Variants in CAMK2D observed in about 807,000 individuals in gnomAD.
CAMK2D encodes calcium/calmodulin dependent protein kinase II delta, also known as calcium/calmodulin-dependent protein kinase type II subunit delta.
In CAMK2D, 37 loss-of-function variants were observed where a neutral mutation model predicts 84.0. That is an observed-to-expected ratio of 0.44 (90% CI 0.34 to 0.58). The LOEUF (loss-of-function observed/expected upper bound fraction) is 0.58, where lower values mean the gene tolerates loss of function less well. Among genes scored for constraint, CAMK2D ranks in the 20% least tolerant of loss-of-function variants. The pLI is 0.02. For synonymous variants in CAMK2D, 202 were observed against 212.5 expected (o/e 0.95, Z 0.43); for missense variants, 448 against 652.5 (o/e 0.69, Z 3.41).
chr4:113,678,424 CT>C (rs2154332333), intron 2 of CAMK2D, among the ~76,000 whole-genome samples: 1 of 151,688 alleles, frequency 6.6e-6, no homozygotes, highest in African/African-American at 2.4e-5. Context: ...AAACTAAGAC[CT>C]TTTCCATTTC....
intron 16 of CAMK2D, among the ~76,000 whole-genome samples, chr4:113,496,460 T>TC (rs1351619590): frequency 6.6e-6 from 1 of 151,208 alleles, no homozygotes; most frequent in Non-Finnish European, 1.5e-5. Flanking sequence ...TTTTTTTTTT[T>TC]TTTTTTAAAG....
At chr4:113,693,728 A>T (rs138596754) in intron 2 of CAMK2D, among the ~76,000 whole-genome samples, 1 of 152,210 alleles carries the variant, frequency 6.6e-6, no homozygotes, top group Admixed American at 6.6e-5. Flanking sequence ...ACCAAACACA[A>T]GTATAAAAAT....
chr4:113,752,527 T>G (rs1447022736), intron 2 of CAMK2D, among the ~76,000 whole-genome samples: 1 of 152,208 alleles, frequency 6.6e-6, no homozygotes, highest in Non-Finnish European at 1.5e-5. Flanking sequence ...TTGTCTTCCA[T>G]TGTTCACTGG....
chr4:113,600,410 G>T (rs1248222195), intron 4 of CAMK2D, among the ~76,000 whole-genome samples: 4 of 152,028 alleles, frequency 2.6e-5, no homozygotes, highest in Non-Finnish European at 5.9e-5. Flanking sequence ...AGAGATAAGG[G>T]TATATGGAAA....
chr4:113,728,208 T>C (rs1458651355), intron 2 of CAMK2D, among the ~76,000 whole-genome samples: 1 of 152,236 alleles, frequency 6.6e-6, no homozygotes, highest in Non-Finnish European at 1.5e-5. Context: ...TATATGCTCA[T>C]AGCTGGTTTA....
intron 2 of CAMK2D, among the ~76,000 whole-genome samples, chr4:113,749,576 A>G (rs190299487): frequency 8.7e-4 from 132 of 152,322 alleles, no homozygotes; most frequent in African/African-American, 2.9e-3. Context: ...GTAATCAGAT[A>G]CCTCTGTAGA....
At chr4:113,741,792 C>A (rs1593971326) in intron 2 of CAMK2D, among the ~76,000 whole-genome samples, 1 of 152,194 alleles carries the variant, frequency 6.6e-6, no homozygotes, top group East Asian at 1.9e-4. Context: ...CTCCCAACAT[C>A]ATCATGTACT....
At chr4:113,474,982 C>T (rs1216047420) in intron 16 of CAMK2D, among the ~76,000 whole-genome samples, 1 of 152,074 alleles carries the variant, frequency 6.6e-6, no homozygotes, top group Non-Finnish European at 1.5e-5. Flanking sequence ...TTCTGTCCTC[C>T]CTTCAGTATT....
intron 2 of CAMK2D, chr4:113,754,208 CATTA>C: frequency 1.0e-6 from 1 of 967,100 alleles, no homozygotes; most frequent in Non-Finnish European, 1.2e-6. Flanking sequence ...TCTATATAAT[CATTA>C]ATTGCCAATG....
chr4:113,526,905 CTTTTT>C (rs34934229), intron 8 of CAMK2D, among the ~76,000 whole-genome samples: 5 of 137,054 alleles, frequency 3.6e-5, no homozygotes, highest in Middle Eastern at 7.6e-3. Flanking sequence ...TTTTACTGTG[CTTTTT>C]TTTTTTTTTT....
At chr4:113,665,007 T>C (rs2099252138) in intron 2 of CAMK2D, among the ~76,000 whole-genome samples, 1 of 152,240 alleles carries the variant, frequency 6.6e-6, no homozygotes. Flanking sequence ...TTTCACCATG[T>C]TGGCCAGGCT....
chr4:113,586,367 C>A (rs1305612803), intron 4 of CAMK2D, among the ~76,000 whole-genome samples: 1 of 152,124 alleles, frequency 6.6e-6, no homozygotes, highest in Non-Finnish European at 1.5e-5. Context: ...GAATTTGGGC[C>A]ACCATTGAGC....
In CAMK2D at chr4:113,702,254, A is replaced by T. The variant is rs561979285; in HGVS notation, c.161-40482T>A. On this transcript the variant is annotated intron_variant, in intron 2 of 20. Transcript: ENST00000511664. Reference sequence around the variant, plus strand: ...AGTTCTACCCTCATAACTTCTTTAGAACAAGGGTAAGCAAACTTTTTTATA... The same window carrying T: ...AGTTCTACCCTCATAACTTCTTTAGTACAAGGGTAAGCAAACTTTTTTATA... Among the ~76,000 whole-genome samples the T allele has an allele frequency of 1.9e-3, 287 of 152,342 alleles. 3 individuals are homozygous for T. The highest frequency in any genetic ancestry group is 9.8e-4 in the Non-Finnish European group (67 of 68,032).
intron 2 of CAMK2D, among the ~76,000 whole-genome samples, chr4:113,688,725 C>A (rs2154339579): frequency 6.6e-6 from 1 of 152,246 alleles, no homozygotes; most frequent in South Asian, 2.1e-4. Flanking sequence ...CCCTATATAT[C>A]TCTGAAGTCC....
chr4:113,570,152 C>G (rs1168531602), intron 4 of CAMK2D, among the ~76,000 whole-genome samples: 1 of 152,090 alleles, frequency 6.6e-6, no homozygotes, highest in African/African-American at 2.4e-5. Flanking sequence ...AATATATCCT[C>G]TGTTCATGGA....
At chr4:113,627,686 G>C (rs756175182) in intron 3 of CAMK2D, among the ~76,000 whole-genome samples, 1 of 152,132 alleles carries the variant, frequency 6.6e-6, no homozygotes, top group Non-Finnish European at 1.5e-5. Flanking sequence ...TTTTAAACAG[G>C]AAAATTAGCA....
At chr4:113,619,996 A>C (rs1394169846) in intron 3 of CAMK2D, among the ~76,000 whole-genome samples, 2 of 152,194 alleles carry the variant, frequency 1.3e-5, no homozygotes, top group African/African-American at 4.8e-5. Flanking sequence ...AGAACGTAGT[A>C]AGTCAGTTAC....
At chr4:113,548,605 G>A in intron 5 of CAMK2D, 3 of 888,220 alleles carry the variant, frequency 3.4e-6, no homozygotes, top group South Asian at 1.5e-5. Context: ...CCTTTCCCCA[G>A]AAAAAAAAAT....
At chr4:113,556,780 T>G (rs1298406917) in intron 4 of CAMK2D, among the ~76,000 whole-genome samples, 4 of 152,116 alleles carry the variant, frequency 2.6e-5, no homozygotes, top group Admixed American at 6.5e-5. Context: ...CTTAGCACCA[T>G]GTTCTAAGAT....
Sources: gnomAD v4.1 joint callset for allele counts (sites outside exome capture counted in the v4.1 genomes callset) on GRCh38, gnomAD v4.1.1 for gene constraint, MANE v1.5 for transcripts, NCBI Gene and HGNC (gene_info 2026-07-23, HGNC 2026-07-21) for gene names.